The following PCDHA4 variants were observed in gnomAD, a reference collection of about 807,000 sequenced individuals.
PCDHA4 encodes the protein protocadherin alpha 4, also known as protocadherin alpha-4.
PCDHA4 carries 49 observed loss-of-function variants against 61.4 expected under a neutral mutation model. The observed-to-expected ratio is 0.80, with a 90% CI of 0.63 to 1.01. The LOEUF (loss-of-function observed/expected upper bound fraction) is 1.01. PCDHA4 is among the 50% of genes least tolerant of loss of function. PCDHA4 has a pLI of 0.00. For synonymous variants in PCDHA4, 590 were observed against 550.3 expected (o/e 1.07, Z -1.01); for missense variants, 1,254 against 1,235.8 (o/e 1.01, Z -0.22).
intron 1 of PCDHA4, chr5:140,851,357 G>A: frequency 2.1e-6 from 2 of 974,974 alleles, no homozygotes; most frequent in Non-Finnish European, 2.5e-6. Flanking sequence ...GATGGAGACT[G>A]TGAACATCTG....
intron 1 of PCDHA4, among the ~76,000 whole-genome samples, chr5:140,908,451 A>T (rs2073980523): frequency 6.6e-6 from 1 of 152,170 alleles, no homozygotes; most frequent in African/African-American, 2.4e-5. Context: ...TTATGGCTAG[A>T]TGGATCAGAA....
At chr5:140,853,965 C>A (rs1349706249) in intron 1 of PCDHA4, 2 of 649,666 alleles carry the variant, frequency 3.1e-6, no homozygotes, top group African/African-American at 2.0e-5. Context: ...TTGAGCCCAG[C>A]AGTTTGAGAC....
At chr5:140,965,657 T>TA (rs2095920205) in intron 1 of PCDHA4, among the ~76,000 whole-genome samples, 2 of 152,196 alleles carry the variant, frequency 1.3e-5, no homozygotes, top group Non-Finnish European at 2.9e-5. Context: ...AGAAAATGTC[T>TA]TGGGTGATAA....
At chr5:140,877,178 C>A (rs370071106) in intron 1 of PCDHA4, 34 of 1,613,676 alleles carry the variant, frequency 2.1e-5, no homozygotes, top group Middle Eastern at 1.7e-4. Context: ...CTGGCGACTC[C>A]GGCTGGCAGC....
rs1554124661 is a variant in PCDHA4, at chr5:140,808,620, C to T, written c.1433C>T (p.Ser478Phe). ...CCGGGCTGCCACATCTTCACTGTGTCTGCGTGGGACGCGGACGCGCAGGAG... is the reference window on the plus strand; with the variant it reads ...CCGGGCTGCCACATCTTCACTGTGTTTGCGTGGGACGCGGACGCGCAGGAG... ...NPPGCHIFTV[S>F]AWDADAQENA... The change falls in exon 1 of 4, where the codon TCT becomes TTT. Residue 478 changes from serine to phenylalanine, a missense_variant. By Grantham distance (155) the Ser-to-Phe change is radical (BLOSUM62 -2). Transcript: ENST00000530339. 6.2e-7 allele frequency: 1 copy of T among 1,613,738 alleles called. No individual in the cohort carries two copies. The highest frequency in any genetic ancestry group is 1.7e-5 in the Admixed American group (1 of 60,024).
chr5:140,823,525 G>C (rs2150126646), intron 1 of PCDHA4: 4 of 1,613,736 alleles, frequency 2.5e-6, no homozygotes, highest in Non-Finnish European at 3.4e-6. Flanking sequence ...GCCGAGGTCA[G>C]TGGGTGCGGG....
intron 1 of PCDHA4, chr5:140,856,383 C>A (rs1053203263): frequency 3.8e-6 from 6 of 1,598,432 alleles, no homozygotes; most frequent in Non-Finnish European, 5.1e-6. Flanking sequence ...GTGGACAGGC[C>A]GCTGCAGGTT....
intron 1 of PCDHA4, chr5:140,841,189 TTTCTC>T: frequency 8.1e-7 from 1 of 1,233,560 alleles, no homozygotes; most frequent in East Asian, 2.5e-5. Flanking sequence ...TTCAAAGTCT[TTTCTC>T]TGACAGCATC....
At chr5:140,870,069 A>G (rs376226695) in intron 1 of PCDHA4, 43 of 1,613,780 alleles carry the variant, frequency 2.7e-5, no homozygotes, top group Non-Finnish European at 3.4e-5. Flanking sequence ...TACAGGCTAC[A>G]GATAAGGGGA....
At chr5:140,858,130 C>T in intron 1 of PCDHA4, 1 of 1,597,774 alleles carries the variant, frequency 6.3e-7, no homozygotes, top group Non-Finnish European at 8.6e-7. Flanking sequence ...TGGTGGATGT[C>T]AACGTGTACC....
chr5:140,857,573 G>A (rs142356019), intron 1 of PCDHA4: 83,412 of 1,596,632 alleles, frequency 0.052, 9,343 homozygotes, highest in Middle Eastern at 0.089. Flanking sequence ...CTACGTGTCG[G>A]TGCACGCGGA....
At position 140,857,227 on chromosome 5, in the gene PCDHA4, G is replaced by T. The variant is rs148283153; in HGVS notation, c.2385+47655G>T. On this transcript the variant is annotated intron_variant, in intron 1 of 3. Transcript: ENST00000530339. ...CCTGCTCTCTGACGCCTCACGTTCC[G>T]TTCAAGCTGGTGTCCACCTACAAGA... is the stretch of plus-strand genomic sequence containing the variant. The T allele has an allele frequency of 7.5e-6, 12 of 1,598,330 alleles. No homozygotes were observed. In the African/African-American group the frequency reaches 1.5e-4, roughly 20 times the overall value.
intron 1 of PCDHA4, chr5:140,822,746 A>G (rs2150119046): frequency 1.2e-5 from 19 of 1,613,888 alleles, no homozygotes; most frequent in Non-Finnish European, 1.5e-5. Flanking sequence ...GCCATGGATA[A>G]AAGTACATTC....
chr5:140,834,153 T>C, intron 1 of PCDHA4: 1 of 535,142 alleles, frequency 1.9e-6, no homozygotes, highest in East Asian at 3.0e-5. Context: ...TTGTAATGGT[T>C]TGTAATTCTT....
intron 1 of PCDHA4, chr5:140,875,943 T>C (rs371245562): frequency 1.9e-6 from 3 of 1,614,072 alleles, no homozygotes; most frequent in African/African-American, 2.7e-5. Flanking sequence ...TAGAGGGCGC[T>C]TCTGATGCGG....
intron 1 of PCDHA4, among the ~76,000 whole-genome samples, chr5:140,976,461 G>A (rs935204153): frequency 1.3e-5 from 2 of 152,120 alleles, no homozygotes; most frequent in African/African-American, 4.8e-5. Flanking sequence ...TGGGGAAGAA[G>A]AATTGCTTGA....
At chr5:140,877,798 CT>C (rs782663782) in intron 1 of PCDHA4, 1 of 1,613,568 alleles carries the variant, frequency 6.2e-7, no homozygotes, top group Non-Finnish European at 8.5e-7. Context: ...CAGCCCAAGC[CT>C]TCAGCTGTCT....
At chr5:140,824,989 C>T (rs1768412493) in intron 1 of PCDHA4, 3 of 151,936 alleles carry the variant, frequency 2.0e-5, no homozygotes, top group African/African-American at 7.3e-5. Context: ...ATAGGAAACA[C>T]ATATACATGG....
At position 140,827,909 on chromosome 5, in the gene PCDHA4, A is replaced by C. The variant is rs2150149733; in HGVS notation, c.2385+18337A>C. On this transcript the variant is annotated intron_variant, in intron 1 of 3. Transcript: ENST00000530339. ...ATTTCTTACCTTTTGGAGCCGCATGATGTCGCTGTCTACCATGAAGTTATA... is the reference window on the plus strand; with the variant it reads ...ATTTCTTACCTTTTGGAGCCGCATGCTGTCGCTGTCTACCATGAAGTTATA... 8.5e-6 allele frequency: 7 copies of C among 822,554 alleles called. No individual in the cohort carries two copies. In the East Asian group the frequency reaches 1.5e-4, roughly 17 times the overall value. The allele number at this position is 822,554 out of a possible 1,614,324, so 51.0% of individuals were successfully genotyped here. A position where few individuals can be genotyped will look rare whatever the true frequency, so the allele number is the denominator to read the frequency against.
Sources: allele counts gnomAD v4.1 joint callset (sites outside exome capture counted in the v4.1 genomes callset), GRCh38; gene constraint gnomAD v4.1.1; transcripts MANE v1.5; gene names NCBI Gene and HGNC (gene_info 2026-07-23, HGNC 2026-07-21).